ASB18: variants seen among roughly 807,000 people sequenced by gnomAD.
ASB18 encodes ankyrin repeat and SOCS box containing 18.
In ASB18, 33 loss-of-function variants were observed where a neutral mutation model predicts 33.4. The observed-to-expected ratio is 0.99, with a 90% CI of 0.75 to 1.32. The LOEUF (loss-of-function observed/expected upper bound fraction) is 1.32. Among genes scored for constraint, ASB18 ranks in the 40% most tolerant of loss-of-function variants. The pLI, the probability that ASB18 is intolerant of heterozygous loss-of-function variation, is 0.00. For missense variants in ASB18, 694 were observed against 655.5 expected (o/e 1.06, Z -0.64); for synonymous variants, 295 against 307.6 (o/e 0.96, Z 0.43).
Position 236,205,306 on chromosome 2 carries a change from T to C in ASB18, c.1102-8921A>G, listed in dbSNP as rs551708441. On this transcript the variant is annotated intron_variant, in intron 4 of 5. Coordinates refer to ENST00000409749, the MANE Select transcript of ASB18 (RefSeq NM_212556.4). This position sits in a 1 kb window ranked among gnomAD's most constrained non-coding sequence, Gnocchi z 5.4. The stretch of plus-strand genomic sequence containing the variant: ...CATCTCCGGCCACACTGGTCCCCTG[T>C]GGTTCTGTGCGCAGGGCTGGCCCAC... 5.3e-5 allele frequency among the ~76,000 whole-genome samples: 8 copies of C among 152,306 alleles called. No individual in the cohort carries two copies. Among genetic ancestry groups the C allele is most frequent in the Non-Finnish European group, 1.2e-4 (8 of 68,034 alleles).
In ASB18 at chr2:236,264,097, A is replaced by G. The variant is rs2060734288; in HGVS notation, c.205+44T>C. 6.4e-7 allele frequency: 1 copy of G among 1,569,454 alleles called. No individual in the cohort carries two copies. The highest frequency in any genetic ancestry group is 1.4e-5 in the African/African-American group (1 of 74,054). ...AGGATCTGCCCACCCCATCAGTGTA[A>G]CTTAGTAATTAAATCCCAGATGCAG... is the stretch of plus-strand genomic sequence containing the variant. On this transcript the variant is annotated intron_variant, in intron 1 of 5. Transcript: ENST00000409749. This position sits in a 1 kb window ranked among gnomAD's most constrained non-coding sequence, Gnocchi z 5.1.
chr2:236,194,739 C>T lies in ASB18; in HGVS notation c.*133G>A. On this transcript the variant is annotated 3_prime_UTR_variant, in exon 6 of 6. Coordinates refer to ENST00000409749, the MANE Select transcript of ASB18 (RefSeq NM_212556.4). This position sits in a 1 kb window ranked among gnomAD's most constrained non-coding sequence, Gnocchi z 4.5. ...CTGAAGCTTGGCAAGGTCTGTGCTTCACCCGGTCCCACGGAGAGCAAGTGG... is the reference window on the plus strand; with the variant it reads ...CTGAAGCTTGGCAAGGTCTGTGCTTTACCCGGTCCCACGGAGAGCAAGTGG... 2 of 744,656 alleles carry T rather than the reference C, an allele frequency of 2.7e-6. No homozygotes were observed. Among genetic ancestry groups the T allele is most frequent in the Non-Finnish European group, 4.2e-6 (2 of 472,368 alleles). 46.1% of individuals were successfully genotyped at this position (744,656 alleles called of 1,614,324 possible). A position where few individuals can be genotyped will look rare whatever the true frequency, so the allele number is the denominator to read the frequency against.
Position 236,214,443 on chromosome 2 carries a change from A to G in ASB18, c.1020T>C (p.Ala340=). The G allele has an allele frequency of 6.5e-7, 1 of 1,544,328 alleles. No homozygotes were observed. The highest frequency in any genetic ancestry group is 8.7e-7 in the Non-Finnish European group (1 of 1,152,256). Residue 340 remains alanine (A), a synonymous_variant, in exon 4 of 6, where the codon GCT becomes GCC. Transcript: ENST00000409749. This position sits in a 1 kb window ranked among gnomAD's most constrained non-coding sequence, Gnocchi z 6.5. ...LGRVLQTASC[A]LQASPQRTVQ... ...CCGTGCGCTGCGGTGAGGCCTGGAG[A>G]GCGCAGGATGCGGTCTGGAGCACGC...
Position 236,264,277 on chromosome 2 carries a change from G to A in ASB18, c.69C>T (p.Ala23=), listed in dbSNP as rs1284367246. The A allele has an allele frequency of 1.9e-6, 3 of 1,613,778 alleles. No individual in the cohort carries two copies. Among genetic ancestry groups the A allele is most frequent in the Admixed American group, 3.3e-5 (2 of 59,984 alleles). Reference sequence around the variant, plus strand: ...CTCTCTCCTCATCTTTGGCATCCAGGGCAGACTTTAATCTCTTCACTAAAT... The same window carrying A: ...CTCTCTCCTCATCTTTGGCATCCAGAGCAGACTTTAATCTCTTCACTAAAT... The part of the protein sequence containing the change: ...NSDLVKRLKS[A]LDAKDEERVR... Residue 23 remains alanine (A), a synonymous_variant, in exon 1 of 6, where the codon GCC becomes GCT. Transcript: ENST00000409749. The surrounding 1 kb of genome is among the most constrained non-coding windows in gnomAD (Gnocchi z 5.1).
rs1041150334 is a variant in ASB18, at chr2:236,244,491, A to G, written c.206-3089T>C. Among the ~76,000 whole-genome samples the G allele has an allele frequency of 6.6e-6, 1 of 152,248 alleles. No homozygotes were observed. Among genetic ancestry groups the G allele is most frequent in the African/African-American group, 2.4e-5 (1 of 41,466 alleles). The stretch of plus-strand genomic sequence containing the variant: ...CAACAGGAAAACAGATGTGAAATCA[A>G]GGAATAGAGCTCACTGGGCTGTGCA... On this transcript the variant is annotated intron_variant, in intron 1 of 5. Transcript: ENST00000409749. The surrounding 1 kb of genome is among the most constrained non-coding windows in gnomAD (Gnocchi z 6.1).
intron 4 of ASB18, among the ~76,000 whole-genome samples, chr2:236,202,371 C>T (rs1175025386): frequency 6.6e-6 from 1 of 151,578 alleles, no homozygotes; most frequent in Non-Finnish European, 1.5e-5. Context: ...TTTGGTCTCA[C>T]TCTGGTCTCA....
intron 4 of ASB18, among the ~76,000 whole-genome samples, chr2:236,198,880 T>G (rs1416934924): frequency 1.3e-5 from 2 of 152,202 alleles, no homozygotes; most frequent in Non-Finnish European, 2.9e-5. Context: ...CTTGTCTTAT[T>G]ACACTGGCTA....
rs780497754 is a variant in ASB18, at chr2:236,228,457, G to C, written c.596+9232C>G. Reference sequence around the variant, plus strand: ...CTTCACACAGAAAGAACTTTGCAGAGGGCCCCCTTGATTATTCAGCTCAAT... The same window carrying C: ...CTTCACACAGAAAGAACTTTGCAGACGGCCCCCTTGATTATTCAGCTCAAT... On this transcript the variant is annotated intron_variant, in intron 3 of 5. Coordinates refer to ENST00000409749, the MANE Select transcript of ASB18 (RefSeq NM_212556.4). The surrounding 1 kb of genome is among the most constrained non-coding windows in gnomAD (Gnocchi z 5.1). Among the ~76,000 whole-genome samples the C allele has an allele frequency of 2.0e-5, 3 of 152,174 alleles. No homozygotes were observed. The highest frequency in any genetic ancestry group is 4.4e-5 in the Non-Finnish European group (3 of 68,026).
chr2:236,226,038 G>A lies in ASB18; in HGVS notation c.597-11172C>T, dbSNP rs1449652480. On this transcript the variant is annotated intron_variant, in intron 3 of 5. Transcript: ENST00000409749. The surrounding 1 kb of genome is among the most constrained non-coding windows in gnomAD (Gnocchi z 4.8). The stretch of plus-strand genomic sequence containing the variant: ...TGTGTTTAAAAAGATTGCAGAGAAA[G>A]TAGCTCTTTCTTGTCAAAGTGATAA... Among the ~76,000 whole-genome samples the A allele has an allele frequency of 2.6e-5, 4 of 152,202 alleles. No homozygotes were observed. The highest frequency in any genetic ancestry group is 5.9e-5 in the Non-Finnish European group (4 of 68,042).
In ASB18 at chr2:236,214,577, G is replaced by T; in HGVS notation, c.886C>A (p.Pro296Thr). 1 of 1,325,174 alleles carries T rather than the reference G, an allele frequency of 7.5e-7. No homozygotes were observed. Among genetic ancestry groups the T allele is most frequent in the Non-Finnish European group, 9.6e-7 (1 of 1,045,390 alleles). 82.1% of individuals were successfully genotyped at this position (1,325,174 alleles called of 1,614,324 possible). A position where few individuals can be genotyped will look rare whatever the true frequency, so the allele number is the denominator to read the frequency against. Residue 296 changes from proline to threonine, a missense_variant, in exon 4 of 6, where the codon CCG becomes ACG. Pro to Thr is a conservative substitution (Grantham distance 38). Coordinates refer to ENST00000409749, the MANE Select transcript of ASB18 (RefSeq NM_212556.4). The surrounding 1 kb of genome is among the most constrained non-coding windows in gnomAD (Gnocchi z 6.5). ...ADARDEDERS[P>T]LHKACGHASH... ...GCGTGGCCGCAGGCTTTGTGCAGCG[G>T]GCTGCGCTCGTCCTCGTCGCGCGCG...
At position 236,264,276 on chromosome 2, in the gene ASB18, G is replaced by A. The variant is rs1217960024; in HGVS notation, c.70C>T (p.Leu24=). Reference sequence around the variant, plus strand: ...ACTCTCTCCTCATCTTTGGCATCCAGGGCAGACTTTAATCTCTTCACTAAA... The same window carrying A: ...ACTCTCTCCTCATCTTTGGCATCCAAGGCAGACTTTAATCTCTTCACTAAA... ...SDLVKRLKSA[L]DAKDEERVRD... The change falls in exon 1 of 6, where the codon CTG becomes TTG. Residue 24 remains leucine (L), a synonymous_variant. Coordinates refer to ENST00000409749, the MANE Select transcript of ASB18 (RefSeq NM_212556.4). The surrounding 1 kb of genome is among the most constrained non-coding windows in gnomAD (Gnocchi z 5.1). The A allele has an allele frequency of 6.2e-7, 1 of 1,613,990 alleles. No individual in the cohort carries two copies. The highest frequency in any genetic ancestry group is 8.5e-7 in the Non-Finnish European group (1 of 1,179,880).
chr2:236,241,285 A>G lies in ASB18; in HGVS notation c.323T>C (p.Leu108Pro), dbSNP rs1412854330. The G allele has an allele frequency of 6.2e-7, 1 of 1,613,826 alleles. No individual in the cohort carries two copies. Among genetic ancestry groups the G allele is most frequent in the Non-Finnish European group, 8.5e-7 (1 of 1,179,716 alleles). ...GCTTTAAAGAACAAGGGTACCTGAT[A>G]GTCCAAACGTGGCTGGAGATTTCAC... The part of the protein sequence containing the change: ...WQVKSPATFG[L>P]SGLWTLEYKR... Residue 108 changes from leucine (L) to proline (P), a missense_variant, in exon 2 of 6, where the codon CTA (leucine) becomes CCA (proline). Physicochemically the swap from Leu to Pro is moderately conservative, Grantham distance 98. Coordinates refer to ENST00000409749, the MANE Select transcript of ASB18 (RefSeq NM_212556.4). The surrounding 1 kb of genome is among the most constrained non-coding windows in gnomAD (Gnocchi z 4.2).
At chr2:236,207,079 T>A (rs944501614) in intron 4 of ASB18, among the ~76,000 whole-genome samples, 2 of 152,180 alleles carry the variant, frequency 1.3e-5, no homozygotes, top group Non-Finnish European at 2.9e-5. Flanking sequence ...GTGTCTCCCA[T>A]TGGCTGAGTC....
Position 236,226,663 on chromosome 2 carries a change from T to C in ASB18, c.596+11026A>G, listed in dbSNP as rs902665385. On this transcript the variant is annotated intron_variant, in intron 3 of 5. Transcript: ENST00000409749. This position sits in a 1 kb window ranked among gnomAD's most constrained non-coding sequence, Gnocchi z 4.8. ...CTTATGGTGTCCAAATGTAAGCTTG[T>C]TGGCGTCTCTTCAGCAGTGTTGCAA... Among the ~76,000 whole-genome samples the C allele has an allele frequency of 6.6e-6, 1 of 152,202 alleles. No homozygotes were observed. Among genetic ancestry groups the C allele is most frequent in the African/African-American group, 2.4e-5 (1 of 41,450 alleles).
In ASB18 at chr2:236,228,805, A is replaced by C. The variant is rs879887897; in HGVS notation, c.596+8884T>G. On this transcript the variant is annotated intron_variant, in intron 3 of 5. Coordinates refer to ENST00000409749, the MANE Select transcript of ASB18 (RefSeq NM_212556.4). The surrounding 1 kb of genome is among the most constrained non-coding windows in gnomAD (Gnocchi z 5.1). ...TAGACTAACCACCGATTGACTTCTG[A>C]TTAATAAAGCTTAAAGGCAAGACCC... 1.6e-4 allele frequency among the ~76,000 whole-genome samples: 24 copies of C among 152,362 alleles called. No homozygotes were observed. The highest frequency in any genetic ancestry group is 3.4e-3 in the Middle Eastern group (1 of 294).
chr2:236,201,292 C>T (rs1212254239), intron 4 of ASB18, among the ~76,000 whole-genome samples: 1 of 152,142 alleles, frequency 6.6e-6, no homozygotes, highest in Non-Finnish European at 1.5e-5. Flanking sequence ...GCTGGGACTA[C>T]AGGTGCATGC....
intron 3 of ASB18, among the ~76,000 whole-genome samples, chr2:236,230,606 T>C (rs2060559702): frequency 6.6e-6 from 1 of 151,872 alleles, no homozygotes; most frequent in Non-Finnish European, 1.5e-5. Flanking sequence ...AATGGAAGTA[T>C]ACTGCCATAC....
intron 3 of ASB18, among the ~76,000 whole-genome samples, chr2:236,224,202 T>G (rs1037453005): frequency 2.0e-5 from 3 of 149,182 alleles, no homozygotes; most frequent in Non-Finnish European, 3.0e-5. Context: ...TTTTTTTTTT[T>G]TTTTTTTTTT....
rs1401047978 is a variant in ASB18, at chr2:236,229,993, C to T, written c.596+7696G>A. On this transcript the variant is annotated intron_variant, in intron 3 of 5. Transcript: ENST00000409749. This position sits in a 1 kb window ranked among gnomAD's most constrained non-coding sequence, Gnocchi z 5.2. ...ATAAAACTAGGAGTTTGAGACCACC[C>T]TGGGCAGCAAAACAAGACCTCAACT... Among the ~76,000 whole-genome samples, 1 of 151,920 alleles carries T rather than the reference C, an allele frequency of 6.6e-6. No individual in the cohort carries two copies. Among genetic ancestry groups the T allele is most frequent in the Non-Finnish European group, 1.5e-5 (1 of 67,992 alleles).
Sources: allele counts gnomAD v4.1 joint callset (sites outside exome capture counted in the v4.1 genomes callset), GRCh38; gene constraint gnomAD v4.1.1; non-coding constraint Gnocchi (gnomAD v3.1); transcripts MANE v1.5; gene names NCBI Gene and HGNC (gene_info 2026-07-23, HGNC 2026-07-21).